The following TCAF1 variants were observed in gnomAD, a reference collection of about 807,000 sequenced individuals.
TCAF1 encodes the protein TRPM8 channel associated factor 1, also known as TRPM8 channel-associated factor 1.
A neutral mutation model predicts 27.3 loss-of-function variants in TCAF1; 4 were observed. The observed-to-expected ratio is 0.15, with a 90% CI of 0.07 to 0.34. The LOEUF (loss-of-function observed/expected upper bound fraction) is 0.34. TCAF1 is among the 10% of genes least tolerant of loss of function. TCAF1 has a pLI of 1.00. For synonymous variants in TCAF1, 105 were observed against 167.1 expected (o/e 0.63, Z 2.87); for missense variants, 257 against 425.8 (o/e 0.60, Z 3.49).
intron 1 of TCAF1, among the ~76,000 whole-genome samples, chr7:143,900,506 T>C (rs931110277): frequency 6.6e-6 from 1 of 152,086 alleles, no homozygotes; most frequent in Admixed American, 6.5e-5. Context: ...TGAGTAAGCC[T>C]GGGAGAGGTC....
intron 7 of TCAF1, among the ~76,000 whole-genome samples, 179 bp downstream of exon 7, chr7:143,858,645 G>C (rs1426020375): frequency 6.6e-6 from 1 of 152,182 alleles, no homozygotes; most frequent in Non-Finnish European, 1.5e-5. Flanking sequence ...GCAAGGCGAT[G>C]CACTAAGAGA....
intron 1 of TCAF1, among the ~76,000 whole-genome samples, chr7:143,898,422 T>A (rs1266825440): frequency 6.6e-6 from 1 of 152,154 alleles, no homozygotes; most frequent in Non-Finnish European, 1.5e-5. Flanking sequence ...TTTCGGATGA[T>A]ATGATTGCCT....
In TCAF1 at chr7:143,860,006, A is replaced by ATATTATATAT. The variant is rs1554485971; in HGVS notation, c.2167+201_2167+202insATATATAATA. ...TTATATAATATATATTATATAATAT[A>ATATTATATAT]TATATAATATATATTATATATTATA... is the stretch of plus-strand genomic sequence containing the variant. On this transcript the variant is annotated intron_variant, in intron 6 of 8. Coordinates refer to ENST00000479870, the MANE Select transcript of TCAF1 (RefSeq NM_014719.3). Among the ~76,000 whole-genome samples the ATATTATATAT allele has an allele frequency of 1.6e-3, 44 of 27,342 alleles. 8 individuals carry two copies. The highest frequency in any genetic ancestry group is 4.1e-3 in the East Asian group (3 of 734). The allele number at this position is 27,342 out of a possible 152,430, so 17.9% of individuals were successfully genotyped here.
chr7:143,890,943 G>C (rs998352898), intron 1 of TCAF1, among the ~76,000 whole-genome samples: 1 of 152,184 alleles, frequency 6.6e-6, no homozygotes, highest in Non-Finnish European at 1.5e-5. Context: ...ATTGTTCTGA[G>C]AAAAGCAATG....
At chr7:143,874,726 C>G (rs1484576832) in intron 2 of TCAF1, among the ~76,000 whole-genome samples, 1 of 152,048 alleles carries the variant, frequency 6.6e-6, no homozygotes, top group East Asian at 1.9e-4. Flanking sequence ...GTTATAGATC[C>G]CAGGTTTCCA....
At chr7:143,879,682 G>T (rs1020475685) in intron 1 of TCAF1, among the ~76,000 whole-genome samples, 1 of 152,136 alleles carries the variant, frequency 6.6e-6, no homozygotes, top group African/African-American at 2.4e-5. Flanking sequence ...CAGACAGATA[G>T]ACTAATGACA....
In TCAF1 at chr7:143,852,876, CACT is replaced by C. The variant is rs1347972953; in HGVS notation, c.*1254_*1256del. 11 of 148,052 alleles carry C rather than the reference CACT, an allele frequency of 7.4e-5. No individual in the cohort carries two copies. In the South Asian group the frequency reaches 2.2e-3, roughly 30 times the overall value. The allele number at this position is 148,052 out of a possible 1,614,324, so 9.2% of individuals were successfully genotyped here. On this transcript the variant is annotated 3_prime_UTR_variant, in exon 9 of 9. Transcript: ENST00000479870. ...CTTTTTCTTTTTATTTCTTCACCTA[CACT>C]GTCTCTGTTCTCTCTTCCAGGAACT...
chr7:143,877,617 G>GATCC (rs1586770697), intron 1 of TCAF1, among the ~76,000 whole-genome samples: 1 of 152,216 alleles, frequency 6.6e-6, no homozygotes, highest in East Asian at 1.9e-4. Flanking sequence ...TTCACAATGA[G>GATCC]ATCCCCACTA....
At chr7:143,895,624 C>T (rs1004766395) in intron 1 of TCAF1, among the ~76,000 whole-genome samples, 1 of 151,490 alleles carries the variant, frequency 6.6e-6, no homozygotes, top group Non-Finnish European at 1.5e-5. Flanking sequence ...ACTCTACGCA[C>T]ATTATAACTC....
In TCAF1 at chr7:143,875,980, C is replaced by G; in HGVS notation, c.620+9G>C. The G allele has an allele frequency of 6.5e-7, 1 of 1,532,968 alleles. No individual in the cohort carries two copies. Among genetic ancestry groups the G allele is most frequent in the Non-Finnish European group, 8.8e-7 (1 of 1,140,302 alleles). 95.0% of individuals were successfully genotyped at this position (1,532,968 alleles called of 1,614,324 possible). On this transcript the variant is annotated intron_variant, in intron 2 of 8. Coordinates refer to ENST00000479870, the MANE Select transcript of TCAF1 (RefSeq NM_014719.3). ...TGGAGCCAACTCCCCAGTGGGGTAA[C>G]ATACTCACCTAACCAACACTGGGAT...
chr7:143,883,808 C>G (rs577149394), intron 1 of TCAF1, among the ~76,000 whole-genome samples: 3 of 152,226 alleles, frequency 2.0e-5, no homozygotes, highest in Admixed American at 2.0e-4. Flanking sequence ...GTGCCCGCTC[C>G]CCATTTCTTT....
chr7:143,884,042 G>A (rs757123144), intron 1 of TCAF1, among the ~76,000 whole-genome samples: 3 of 152,202 alleles, frequency 2.0e-5, no homozygotes, highest in African/African-American at 7.2e-5. Flanking sequence ...CAACGGGGAT[G>A]AGAAAAGTAA....
intron 1 of TCAF1, among the ~76,000 whole-genome samples, chr7:143,891,478 A>T (rs546335230): frequency 6.6e-6 from 1 of 152,132 alleles, no homozygotes; most frequent in African/African-American, 2.4e-5. Flanking sequence ...AATAATTAAA[A>T]TTGGTACTTA....
At chr7:143,859,903 A>C (rs1307644976) in intron 6 of TCAF1, among the ~76,000 whole-genome samples, 7,796 of 65,204 alleles carry the variant, frequency 0.12, 1,043 homozygotes, top group South Asian at 0.17. Flanking sequence ...TATATTATAT[A>C]ATATATATTA....
chr7:143,875,178 T>C (rs1586765057), intron 2 of TCAF1, among the ~76,000 whole-genome samples: 1 of 152,194 alleles, frequency 6.6e-6, no homozygotes, highest in African/African-American at 2.4e-5. Context: ...TCAGTGTTGT[T>C]TGTTCTGAGA....
intron 1 of TCAF1, among the ~76,000 whole-genome samples, chr7:143,899,737 T>A (rs929851370): frequency 6.6e-6 from 1 of 152,178 alleles, no homozygotes; most frequent in African/African-American, 2.4e-5. Context: ...GTGGCATATA[T>A]AGCTAACAAT....
intron 6 of TCAF1, among the ~76,000 whole-genome samples, chr7:143,859,915 GGAATATATATTATA>G (rs1381461928): frequency 3.1e-5 from 1 of 32,310 alleles, no homozygotes; most frequent in Non-Finnish European, 5.0e-5. Context: ...TATATATTAC[GGAATATATATTATA>G]TAATATATAT....
At chr7:143,868,987 TTTTA>T (rs1246397831) in intron 2 of TCAF1, among the ~76,000 whole-genome samples, 1 of 85,480 alleles carries the variant, frequency 1.2e-5, no homozygotes, top group Non-Finnish European at 2.5e-5. Flanking sequence ...ATTATATGGT[TTTTA>T]TTTTTCTTTT....
intron 1 of TCAF1, among the ~76,000 whole-genome samples, chr7:143,877,201 C>T (rs1218459488): frequency 6.6e-6 from 1 of 152,174 alleles, no homozygotes; most frequent in African/African-American, 2.4e-5. Context: ...GACACCTGGA[C>T]TTCAAACTTC....
Sources: gnomAD v4.1 joint callset for allele counts (sites outside exome capture counted in the v4.1 genomes callset) on GRCh38, gnomAD v4.1.1 for gene constraint, MANE v1.5 for transcripts, NCBI Gene and HGNC (gene_info 2026-07-23, HGNC 2026-07-21) for gene names.